ADAM12: variants seen among roughly 807,000 people sequenced by gnomAD.
The protein encoded by ADAM12 is ADAM metallopeptidase domain 12, also known as disintegrin and metalloproteinase domain-containing protein 12.
A neutral mutation model predicts 106.4 loss-of-function variants in ADAM12; 70 were observed. The ratio of observed to expected loss-of-function variants is 0.66; its 90% confidence interval spans 0.54 to 0.80. The LOEUF (loss-of-function observed/expected upper bound fraction) is 0.80, where lower values mean the gene tolerates loss of function less well. Among genes scored for constraint, ADAM12 ranks in the 30% least tolerant of loss-of-function variants. The pLI, the probability that ADAM12 is intolerant of heterozygous loss-of-function variation, is 0.00. For synonymous variants in ADAM12, 420 were observed against 433.5 expected (o/e 0.97, Z 0.39); for missense variants, 1,010 against 1,171.9 (o/e 0.86, Z 2.02).
intron 1 of ADAM12, among the ~76,000 whole-genome samples, chr10:126,332,859 C>T (rs1854570122): frequency 6.6e-6 from 1 of 152,214 alleles, no homozygotes. Flanking sequence ...CCACGGGATT[C>T]ACACGTTGGA....
intron 2 of ADAM12, among the ~76,000 whole-genome samples, chr10:126,308,779 C>G (rs1302572815): frequency 6.6e-6 from 1 of 152,188 alleles, no homozygotes; most frequent in Non-Finnish European, 1.5e-5. Context: ...AGATAAGAGG[C>G]ATTATCATCT....
chr10:126,141,419 C>T (rs1956509265), intron 4 of ADAM12, among the ~76,000 whole-genome samples: 1 of 152,188 alleles, frequency 6.6e-6, no homozygotes, highest in African/African-American at 2.4e-5. Context: ...CAAAACACAA[C>T]ACAGAAAAAG....
At chr10:126,224,887 C>T (rs935767985) in intron 3 of ADAM12, among the ~76,000 whole-genome samples, 2 of 152,216 alleles carry the variant, frequency 1.3e-5, no homozygotes, top group Non-Finnish European at 2.9e-5. Context: ...GACGAGGGAG[C>T]AATTACTCGG....
intron 3 of ADAM12, among the ~76,000 whole-genome samples, chr10:126,258,592 C>T (rs1334656865): frequency 2.0e-5 from 3 of 152,246 alleles, no homozygotes; most frequent in Non-Finnish European, 4.4e-5. Flanking sequence ...CAGATCTAGT[C>T]TGGTCTTTGG....
At chr10:126,242,504 G>A (rs2242389) in intron 3 of ADAM12, among the ~76,000 whole-genome samples, 6,861 of 152,240 alleles carry the variant, frequency 0.045, 292 homozygotes, top group African/African-American at 0.1. Context: ...ACAGGAGTAG[G>A]GAGGTGGTGT....
chr10:126,188,261 A>G (rs2039366387), intron 3 of ADAM12, among the ~76,000 whole-genome samples: 5 of 152,164 alleles, frequency 3.3e-5, no homozygotes, highest in Admixed American at 2.0e-4. Context: ...TTACAACTCA[A>G]AGCAAAGCCC....
intron 16 of ADAM12, among the ~76,000 whole-genome samples, chr10:126,046,703 C>T (rs536634235): frequency 1.4e-5 from 2 of 146,806 alleles, no homozygotes; most frequent in East Asian, 4.1e-4. Context: ...CTTGGGAGGC[C>T]GAGGCAGGAG....
At position 126,023,769 on chromosome 10, in the gene ADAM12, A is replaced by G. The variant is rs181576364; in HGVS notation, c.2530-3944T>C. On this transcript the variant is annotated intron_variant, in intron 21 of 22. Transcript: ENST00000448723. Reference sequence around the variant, plus strand: ...GAAATCACATCACCTGGGTATTTCAATAAGCTCCAAGCCATTTTAAAGTGG... The same window carrying G: ...GAAATCACATCACCTGGGTATTTCAGTAAGCTCCAAGCCATTTTAAAGTGG... Among the ~76,000 whole-genome samples the G allele has an allele frequency of 1.1e-4, 17 of 152,340 alleles. No homozygotes were observed. The East Asian group carries it at 3.3e-3, about 29-fold the overall frequency.
chr10:126,330,082 A>G (rs1175163305), intron 2 of ADAM12, among the ~76,000 whole-genome samples: 1 of 152,226 alleles, frequency 6.6e-6, no homozygotes, highest in Non-Finnish European at 1.5e-5. Flanking sequence ...GAGGAAATCA[A>G]TGTTAATTAA....
chr10:126,283,587 A>T (rs1427736392), intron 2 of ADAM12, among the ~76,000 whole-genome samples: 4 of 152,114 alleles, frequency 2.6e-5, no homozygotes, highest in Admixed American at 1.3e-4. Context: ...TGTTTATGGA[A>T]CATTTGATTT....
At chr10:126,121,031 ATATATGCAATATAATATAT>A (rs1217799748) in intron 5 of ADAM12, among the ~76,000 whole-genome samples, 32 of 66,068 alleles carry the variant, frequency 4.8e-4, no homozygotes, top group African/African-American at 2.8e-3. Context: ...ATTATATATT[ATATATGCAATATAATATAT>A]TATATGCAAT....
chr10:126,220,262 G>A (rs144506203), intron 3 of ADAM12, among the ~76,000 whole-genome samples: 80 of 152,288 alleles, frequency 5.3e-4, no homozygotes, highest in African/African-American at 1.9e-3. Flanking sequence ...TATTTGTTGA[G>A]TACTCACGAG....
chr10:126,086,703 ATAT>A (rs1955362373), intron 11 of ADAM12, among the ~76,000 whole-genome samples: 3 of 103,300 alleles, frequency 2.9e-5, no homozygotes, highest in African/African-American at 8.2e-5. Flanking sequence ...ATATATATAT[ATAT>A]AAAATAAAAT....
At chr10:126,315,294 T>C (rs1013641754) in intron 2 of ADAM12, among the ~76,000 whole-genome samples, 2 of 152,126 alleles carry the variant, frequency 1.3e-5, no homozygotes, top group Middle Eastern at 3.2e-3. Context: ...TAGGAAAAGA[T>C]CTTTAAAGTT....
chr10:126,254,705 A>C (rs1476778501), intron 3 of ADAM12, among the ~76,000 whole-genome samples: 1 of 152,082 alleles, frequency 6.6e-6, no homozygotes, highest in African/African-American at 2.4e-5. Context: ...AAGGCCACTG[A>C]CCGCTCTGCT....
chr10:126,314,087 A>G (rs1249096457), intron 2 of ADAM12, among the ~76,000 whole-genome samples: 1 of 152,042 alleles, frequency 6.6e-6, no homozygotes, highest in Non-Finnish European at 1.5e-5. Context: ...AAGCCAGAGG[A>G]GGAGCCAAGC....
At chr10:126,024,774 T>C (rs1953836417) in intron 21 of ADAM12, among the ~76,000 whole-genome samples, 3 of 151,454 alleles carry the variant, frequency 2.0e-5, no homozygotes, top group Non-Finnish European at 1.5e-5. Context: ...GATTACTAGG[T>C]GGTCATCTAG....
intron 3 of ADAM12, among the ~76,000 whole-genome samples, chr10:126,243,509 G>GTGTA (rs1365365727): frequency 1.3e-5 from 2 of 151,784 alleles, no homozygotes; most frequent in Admixed American, 6.6e-5. Flanking sequence ...GTGTGTGTGT[G>GTGTA]TGTGTGTGTA....
chr10:126,115,731 A>C (rs1165690270), intron 6 of ADAM12, among the ~76,000 whole-genome samples: 1 of 152,218 alleles, frequency 6.6e-6, no homozygotes, highest in African/African-American at 2.4e-5. Flanking sequence ...TTGCATAAAC[A>C]AGATTAGTTA....
Sources: gnomAD v4.1 joint callset for allele counts (sites outside exome capture counted in the v4.1 genomes callset) on GRCh38, gnomAD v4.1.1 for gene constraint, MANE v1.5 for transcripts, NCBI Gene and HGNC (gene_info 2026-07-23, HGNC 2026-07-21) for gene names.